The following SLC2A13 variants were observed in gnomAD, a reference collection of about 807,000 sequenced individuals.
SLC2A13 encodes the protein solute carrier family 2 member 13, also known as proton myo-inositol cotransporter.
Under a neutral mutation model 64.4 loss-of-function variants are expected in SLC2A13, and 32 were observed. The observed-to-expected ratio is 0.50, with a 90% CI of 0.37 to 0.67. SLC2A13 has a LOEUF of 0.67. SLC2A13 is among the 30% of genes least tolerant of loss of function. The pLI is 0.00. For missense variants in SLC2A13, 743 were observed against 829.2 expected, an observed-to-expected ratio of 0.90 and a Z score of 1.28; for synonymous variants, 338 against 327.1, an observed-to-expected ratio of 1.03 and a Z score of -0.36.
intron 4 of SLC2A13, among the ~76,000 whole-genome samples, chr12:39,884,463 C>A (rs1944422988): frequency 6.6e-6 from 1 of 152,144 alleles, no homozygotes; most frequent in African/African-American, 2.4e-5. Flanking sequence ...AAATTACAAG[C>A]CTAACTATTC....
intron 6 of SLC2A13, among the ~76,000 whole-genome samples, chr12:39,845,835 C>T (rs534199227): frequency 3.2e-4 from 48 of 152,180 alleles, no homozygotes; most frequent in African/African-American, 1.1e-3. Flanking sequence ...GGTCAAAATA[C>T]CAATGTTAGC....
chr12:39,831,694 C>T (rs1239186116), intron 6 of SLC2A13, among the ~76,000 whole-genome samples: 2 of 151,978 alleles, frequency 1.3e-5, no homozygotes, highest in African/African-American at 2.4e-5. Context: ...TTAGTGCCAT[C>T]CCCTTGGTGA....
chr12:39,866,980 G>A (rs1026461419), intron 5 of SLC2A13, among the ~76,000 whole-genome samples: 8 of 152,160 alleles, frequency 5.3e-5, no homozygotes, highest in African/African-American at 1.9e-4. Context: ...TTTAACTACT[G>A]TTGGCTTAAA....
Position 39,894,615 on chromosome 12 carries a change from G to A in SLC2A13, c.1035-22654C>T, listed in dbSNP as rs118153851. ...ATTTCTAACACTGAAATGATTACAA[G>A]GGAAAATAAAATTAAACTGATCTAT... On this transcript the variant is annotated intron_variant, in intron 4 of 9. Transcript: ENST00000280871. Among the ~76,000 whole-genome samples the A allele has an allele frequency of 3.9e-3, 599 of 152,242 alleles. 1 individual carries two copies. The highest frequency in any genetic ancestry group is 6.3e-3 in the Non-Finnish European group (427 of 68,010).
intron 9 of SLC2A13, 48 bp from the exon 10 acceptor site, chr12:39,760,300 G>T (rs549080721): frequency 1.3e-6 from 2 of 1,505,306 alleles, no homozygotes; most frequent in South Asian, 1.2e-5. Context: ...ATAGAGAGAG[G>T]CTTAAGTTGG....
chr12:39,894,586 TA>T (rs1944692275), intron 4 of SLC2A13, among the ~76,000 whole-genome samples: 1 of 152,216 alleles, frequency 6.6e-6, no homozygotes, highest in Non-Finnish European at 1.5e-5. Context: ...CAAGACAGAC[TA>T]AAATTTCTAA....
chr12:40,034,779 A>C (rs1257212087), intron 2 of SLC2A13, among the ~76,000 whole-genome samples: 1 of 152,160 alleles, frequency 6.6e-6, no homozygotes, highest in African/African-American at 2.4e-5. Context: ...AAGGGTTAGC[A>C]ATTAGAATCA....
chr12:39,778,910 G>A (rs889826516), intron 7 of SLC2A13, among the ~76,000 whole-genome samples: 1 of 152,166 alleles, frequency 6.6e-6, no homozygotes, highest in Non-Finnish European at 1.5e-5. Context: ...CAGTTTGGGG[G>A]TTACTTTTTA....
At chr12:39,843,936 T>C (rs12308035) in intron 6 of SLC2A13, among the ~76,000 whole-genome samples, 61 of 152,004 alleles carry the variant, frequency 4.0e-4, no homozygotes, top group African/African-American at 1.3e-3. Context: ...TATGCTTTTT[T>C]CCCCCCAAAG....
At chr12:40,087,900 A>G (rs1294186873) in intron 1 of SLC2A13, among the ~76,000 whole-genome samples, 2 of 152,216 alleles carry the variant, frequency 1.3e-5, no homozygotes, top group Admixed American at 1.3e-4. Flanking sequence ...TATACTGATT[A>G]TAAGTACAAA....
intron 6 of SLC2A13, among the ~76,000 whole-genome samples, chr12:39,844,456 C>T (rs901819944): frequency 2.2e-4 from 34 of 151,940 alleles, no homozygotes; most frequent in African/African-American, 7.7e-4. Flanking sequence ...TAGTAGCATA[C>T]CCATAAATAT....
chr12:39,869,473 T>C (rs1316447150), intron 5 of SLC2A13, among the ~76,000 whole-genome samples: 2 of 152,180 alleles, frequency 1.3e-5, no homozygotes, highest in Non-Finnish European at 2.9e-5. Flanking sequence ...ATTGGCCACA[T>C]AATAAGGAAA....
At position 39,895,536 on chromosome 12, in the gene SLC2A13, A is replaced by G. The variant is rs1315026844; in HGVS notation, c.1035-23575T>C. On this transcript the variant is annotated intron_variant, in intron 4 of 9. Coordinates refer to ENST00000280871, the MANE Select transcript of SLC2A13 (RefSeq NM_052885.4). ...AAATTATATATATATATATATATAT[A>G]TATATATATATATATACACACACAC... 2.3e-4 allele frequency among the ~76,000 whole-genome samples: 31 copies of G among 134,308 alleles called. 4 individuals carry two copies. Among genetic ancestry groups the G allele is most frequent in the African/African-American group, 6.9e-4 (25 of 36,300 alleles). The allele number at this position is 134,308 out of a possible 152,430, so 88.1% of individuals were successfully genotyped here.
At chr12:39,888,200 A>G (rs546682622) in intron 4 of SLC2A13, among the ~76,000 whole-genome samples, 1 of 152,198 alleles carries the variant, frequency 6.6e-6, no homozygotes, top group African/African-American at 2.4e-5. Context: ...TATGGATATA[A>G]CCATTCTAAG....
intron 2 of SLC2A13, among the ~76,000 whole-genome samples, chr12:40,046,892 C>G (rs1948179490): frequency 6.6e-6 from 1 of 151,628 alleles, no homozygotes; most frequent in African/African-American, 2.4e-5. Flanking sequence ...CATATTGCAC[C>G]TTTTTCTTTC....
chr12:39,876,927 T>C (rs1944197251), intron 4 of SLC2A13, among the ~76,000 whole-genome samples: 1 of 152,198 alleles, frequency 6.6e-6, no homozygotes, highest in Non-Finnish European at 1.5e-5. Flanking sequence ...TGGAGTAGTT[T>C]ATTGACTGTA....
intron 4 of SLC2A13, among the ~76,000 whole-genome samples, chr12:39,900,251 A>C (rs953942592): frequency 3.9e-5 from 6 of 152,068 alleles, no homozygotes; most frequent in African/African-American, 1.4e-4. Flanking sequence ...ATGGGCAAAA[A>C]CTGGAAGCAT....
chr12:39,950,950 A>G, intron 4 of SLC2A13: 1 of 360,528 alleles, frequency 2.8e-6, no homozygotes, highest in Non-Finnish European at 4.9e-6. Flanking sequence ...AACCAGCATC[A>G]AGAAATGGCT....
intron 5 of SLC2A13, among the ~76,000 whole-genome samples, chr12:39,865,604 G>A (rs1943886877): frequency 6.6e-6 from 1 of 152,146 alleles, no homozygotes; most frequent in Non-Finnish European, 1.5e-5. Flanking sequence ...TCAAGTTTCT[G>A]ACTATTGTTT....
Sources: allele counts gnomAD v4.1 joint callset (sites outside exome capture counted in the v4.1 genomes callset), GRCh38; gene constraint gnomAD v4.1.1; transcripts MANE v1.5; gene names NCBI Gene and HGNC (gene_info 2026-07-23, HGNC 2026-07-21).